MBTPS1: variants seen among roughly 807,000 people sequenced by gnomAD.
MBTPS1 encodes the protein membrane-bound transcription factor site-1 protease.
MBTPS1 carries 94 observed loss-of-function variants against 127.8 expected under a neutral mutation model. The observed-to-expected ratio is 0.74, with a 90% CI of 0.62 to 0.87. The LOEUF is 0.87. Among genes scored for constraint, MBTPS1 ranks in the 40% least tolerant of loss-of-function variants. The pLI, the probability that MBTPS1 is intolerant of heterozygous loss-of-function variation, is 0.00. For synonymous variants in MBTPS1, 632 were observed against 509.4 expected (o/e 1.24, Z -3.24); for missense variants, 1,636 against 1,353.2 (o/e 1.21, Z -3.28).
At chr16:84,083,099 A>G (rs1300946790) in intron 10 of MBTPS1, among the ~76,000 whole-genome samples, 3 of 152,238 alleles carry the variant, frequency 2.0e-5, no homozygotes, top group Admixed American at 2.0e-4. Context: ...CGGGCTCAAC[A>G]GTGAAGGCAG....
At chr16:84,074,072 G>T (rs1032614129) in intron 12 of MBTPS1, among the ~76,000 whole-genome samples, 5 of 152,088 alleles carry the variant, frequency 3.3e-5, no homozygotes, top group African/African-American at 1.2e-4. Flanking sequence ...TTGTATAGAT[G>T]AAAAATCAAA....
chr16:84,055,094 G>A (rs999344018), intron 22 of MBTPS1, among the ~76,000 whole-genome samples: 2 of 152,216 alleles, frequency 1.3e-5, no homozygotes, highest in African/African-American at 4.8e-5. Flanking sequence ...CGCTGGCAGT[G>A]CCCCGCCTCT....
chr16:84,073,787 C>G (rs867281764), intron 12 of MBTPS1, among the ~76,000 whole-genome samples: 2 of 152,190 alleles, frequency 1.3e-5, no homozygotes, highest in Middle Eastern at 3.4e-3. Context: ...GCTGGATCAC[C>G]TGAAGTCAGG....
At chr16:84,059,481 T>C (rs2085574583) in intron 20 of MBTPS1, 53 bp from the exon 21 acceptor site, 2 of 1,570,458 alleles carry the variant, frequency 1.3e-6, no homozygotes, top group Admixed American at 1.8e-5. Context: ...ATTACTAAAA[T>C]GCAAAGGAAA....
rs2085491018 is a variant in MBTPS1, at chr16:84,054,601, G to C, written c.3007C>G (p.Pro1003Ala). Residue 1003 changes from proline (P) to alanine (A), a missense_variant, in exon 23 of 23, where the codon CCT (proline) becomes GCT (alanine). Coordinates refer to ENST00000343411, the MANE Select transcript of MBTPS1 (RefSeq NM_003791.4). ...ATGGCTCCCAGGAAGGCAAAGACAG[G>C]AATGGTCTGGCCCACCTCCTGGTTG... ...RYNQEVGQTI[P>A]VFAFLGAMVV... is the part of the protein sequence containing the mutation. 6.2e-7 allele frequency: 1 copy of C among 1,613,178 alleles called. No individual in the cohort carries two copies. The highest frequency in any genetic ancestry group is 1.7e-5 in the Admixed American group (1 of 59,926).
At chr16:84,115,311 T>A (rs149087252) in intron 1 of MBTPS1, among the ~76,000 whole-genome samples, 2 of 152,302 alleles carry the variant, frequency 1.3e-5, no homozygotes, top group East Asian at 1.9e-4. Flanking sequence ...AAGCTCTGCA[T>A]TGGAATTTTC....
In MBTPS1 at chr16:84,102,089, T is replaced by C. The variant is rs2086265754; in HGVS notation, c.-306A>G. The C allele has an allele frequency of 1.2e-5, 3 of 253,378 alleles. No individual in the cohort carries two copies. The highest frequency in any genetic ancestry group is 1.7e-4 in the South Asian group (2 of 11,792). The allele number at this position is 253,378 out of a possible 1,614,324, so 15.7% of individuals were successfully genotyped here. A position where few individuals can be genotyped will look rare whatever the true frequency, so the allele number is the denominator to read the frequency against. On this transcript the variant is annotated 5_prime_UTR_variant, in exon 2 of 23. Coordinates refer to ENST00000343411, the MANE Select transcript of MBTPS1 (RefSeq NM_003791.4). The stretch of plus-strand genomic sequence containing the variant: ...ACCAACGTCCAATGGGGTTGATCAA[T>C]CAACCACTGTGAGCCAATCTATGAA...
intron 13 of MBTPS1, among the ~76,000 whole-genome samples, 194 bp downstream of exon 13, chr16:84,070,394 A>C (rs1423227665): frequency 6.6e-6 from 1 of 152,214 alleles, no homozygotes; most frequent in African/African-American, 2.4e-5. Context: ...GGCAAGCCCT[A>C]GCACTCACTG....
At chr16:84,061,000 ATTT>A in intron 19 of MBTPS1, 187 bp from the exon 20 acceptor site, 2 of 469,606 alleles carry the variant, frequency 4.3e-6, no homozygotes. Context: ...TGCCCGGCTA[ATTT>A]TTTATTTTTT....
chr16:84,074,852 C>T, intron 11 of MBTPS1, 111 bp from the exon 12 acceptor site: 1 of 968,108 alleles, frequency 1.0e-6, no homozygotes, highest in South Asian at 1.7e-5. Context: ...GAAGGGCTTG[C>T]TTACAGCGCT....
intron 19 of MBTPS1, among the ~76,000 whole-genome samples, chr16:84,061,979 T>TA (rs1267446737): frequency 6.6e-6 from 1 of 152,182 alleles, no homozygotes; most frequent in Non-Finnish European, 1.5e-5. Flanking sequence ...ATTTTAAATG[T>TA]AAGGCCTAGG....
At chr16:84,112,782 C>T (rs1224273128) in intron 1 of MBTPS1, among the ~76,000 whole-genome samples, 1 of 151,830 alleles carries the variant, frequency 6.6e-6, no homozygotes, top group Non-Finnish European at 1.5e-5. Context: ...CAAGACCAGC[C>T]TGGCCAACAT....
chr16:84,089,732 G>C (rs551340307), intron 8 of MBTPS1, among the ~76,000 whole-genome samples: 5 of 152,168 alleles, frequency 3.3e-5, no homozygotes, highest in Non-Finnish European at 7.3e-5. Flanking sequence ...TCCACACCTA[G>C]TTTCACCCAT....
At chr16:84,084,301 G>A (rs1349818479) in intron 10 of MBTPS1, among the ~76,000 whole-genome samples, 3 of 152,146 alleles carry the variant, frequency 2.0e-5, no homozygotes, top group African/African-American at 7.2e-5. Context: ...CAAGATTAAG[G>A]GCCAGTCACT....
Position 84,084,968 on chromosome 16 carries a change from G to C in MBTPS1, c.1286+15C>G. 6.2e-7 allele frequency: 1 copy of C among 1,612,406 alleles called. No homozygotes were observed. Among genetic ancestry groups the C allele is most frequent in the Non-Finnish European group, 8.5e-7 (1 of 1,179,176 alleles). On this transcript the variant is annotated intron_variant, in intron 10 of 22. Coordinates refer to ENST00000343411, the MANE Select transcript of MBTPS1 (RefSeq NM_003791.4). ...CTGACGTGGGAGCTACTGGTCTCTAGGGGGCAGCACTCACCTCACTAACAA... is the reference window on the plus strand; with the variant it reads ...CTGACGTGGGAGCTACTGGTCTCTACGGGGCAGCACTCACCTCACTAACAA...
At position 84,066,556 on chromosome 16, in the gene MBTPS1, C is replaced by G; in HGVS notation, c.2286G>C (p.Leu762=). 1.2e-6 allele frequency: 2 copies of G among 1,614,194 alleles called. No individual in the cohort carries two copies. Among genetic ancestry groups the G allele is most frequent in the South Asian group, 1.1e-5 (1 of 91,088 alleles). The part of the protein sequence containing the change: ...GANIPALNEL[L]SVWNMGFSDG... ...CGCTGAACCCCATGTTCCACACAGA[C>G]AGCAGCTCATTCAGAGCTGGGATGT... The change falls in exon 17 of 23, where the codon CTG becomes CTC. Residue 762 remains leucine (L), a synonymous_variant. Coordinates refer to ENST00000343411, the MANE Select transcript of MBTPS1 (RefSeq NM_003791.4).
At chr16:84,070,557 G>C (rs985464251) in intron 13 of MBTPS1, 31 bp downstream of exon 13, 7 of 1,605,532 alleles carry the variant, frequency 4.4e-6, no homozygotes, top group Non-Finnish European at 5.9e-6. Flanking sequence ...AAACAGCTAA[G>C]AAAACAAGCC....
Position 84,092,636 on chromosome 16 carries a change from T to C in MBTPS1, c.846+552A>G, listed in dbSNP as rs58708604. 4.6e-3 allele frequency among the ~76,000 whole-genome samples: 694 copies of C among 152,200 alleles called. 5 individuals are homozygous for C. The highest frequency in any genetic ancestry group is 0.015 in the African/African-American group (642 of 41,514). On this transcript the variant is annotated intron_variant, in intron 6 of 22. Coordinates refer to ENST00000343411, the MANE Select transcript of MBTPS1 (RefSeq NM_003791.4). ...ACATTTCTGAGCTATGCATTACCTATTCAAAAATTAACCTTAAAAAATAAA... is the reference window on the plus strand; with the variant it reads ...ACATTTCTGAGCTATGCATTACCTACTCAAAAATTAACCTTAAAAAATAAA...
chr16:84,097,457 G>A (rs73250796), intron 3 of MBTPS1, among the ~76,000 whole-genome samples: 5,370 of 152,248 alleles, frequency 0.035, 288 homozygotes, highest in African/African-American at 0.12. Flanking sequence ...CAAGGGGCAT[G>A]GGAACGCAGT....
Sources: gnomAD v4.1 joint callset for allele counts (sites outside exome capture counted in the v4.1 genomes callset) on GRCh38, gnomAD v4.1.1 for gene constraint, MANE v1.5 for transcripts, NCBI Gene and HGNC (gene_info 2026-07-23, HGNC 2026-07-21) for gene names.